OSBPL9: variants seen among roughly 807,000 people sequenced by gnomAD.
OSBPL9 encodes the protein oxysterol binding protein like 9.
In OSBPL9, 40 loss-of-function variants were observed where a neutral mutation model predicts 106.6. The observed-to-expected ratio is 0.38, with a 90% CI of 0.29 to 0.49. The LOEUF is 0.49. Among genes scored for constraint, OSBPL9 ranks in the 20% least tolerant of loss-of-function variants. The pLI, the probability that OSBPL9 is intolerant of heterozygous loss-of-function variation, is 0.97. For synonymous variants in OSBPL9, 269 were observed against 295.4 expected (o/e 0.91, Z 0.92); for missense variants, 609 against 887.2 (o/e 0.69, Z 3.98).
At chr1:51,573,041 G>C (rs1645160163), upstream of OSBPL9, among the ~76,000 whole-genome samples, 1 of 152,056 alleles carries the variant, frequency 6.6e-6, no homozygotes, top group East Asian at 1.9e-4. Flanking sequence ...GTGAAATCCT[G>C]TCTCTACTAA....
At chr1:51,735,686 A>C (rs1239127357) in intron 4 of OSBPL9, among the ~76,000 whole-genome samples, 1 of 152,274 alleles carries the variant, frequency 6.6e-6, no homozygotes, top group East Asian at 1.9e-4. Context: ...GGCCATAGTC[A>C]TAAGAGATGC....
rs748925627 is a variant in OSBPL9 at position 51,776,925 on chromosome 1, G to T, written c.1256+7G>T. ...ATCCGGACCTGTTTGTGAGGTATTT[G>T]ACTGAACATGGTAGTTTCCAACGTT... On this transcript the variant is annotated splice_region_variant and intron_variant, in intron 15 of 23. Coordinates refer to ENST00000428468, the MANE Select transcript of OSBPL9 (RefSeq NM_024586.6). 1 of 1,595,748 alleles carries T rather than the reference G, an allele frequency of 6.3e-7. No homozygotes were observed. Among genetic ancestry groups the T allele is most frequent in the South Asian group, 1.1e-5 (1 of 90,666 alleles).
chr1:51,586,064 C>G (rs1297432299), intron 1 of OSBPL9, among the ~76,000 whole-genome samples: 1 of 151,376 alleles, frequency 6.6e-6, no homozygotes, highest in Non-Finnish European at 1.5e-5. Context: ...ATCACAGCTA[C>G]TCAGGAGGCT....
At chr1:51,659,180 A>C (rs373670944) in intron 2 of OSBPL9, among the ~76,000 whole-genome samples, 92 of 152,304 alleles carry the variant, frequency 6.0e-4, no homozygotes, top group African/African-American at 2.1e-3. Flanking sequence ...TACTAAGAAA[A>C]GAAATTAAAT....
intron 1 of OSBPL9, among the ~76,000 whole-genome samples, chr1:51,585,998 C>T (rs1645245713): frequency 6.6e-6 from 1 of 151,306 alleles, no homozygotes; most frequent in South Asian, 2.1e-4. Flanking sequence ...CGTAGCAAAA[C>T]CCAGTGTCTA....
intron 4 of OSBPL9, among the ~76,000 whole-genome samples, chr1:51,735,559 C>T (rs1018177916): frequency 1.3e-5 from 2 of 152,214 alleles, no homozygotes; most frequent in Non-Finnish European, 2.9e-5. Flanking sequence ...TTTCTGATAA[C>T]ATTTTACCAT....
the OSBPL9 span, among the ~76,000 whole-genome samples, chr1:51,537,465 G>T: frequency 6.6e-6 from 1 of 152,170 alleles, no homozygotes; most frequent in African/African-American, 2.4e-5. Context: ...CATCAGATGT[G>T]CTCATTCCTA....
At chr1:51,579,464 T>G (rs1007411569) in intron 1 of OSBPL9, among the ~76,000 whole-genome samples, 1 of 152,194 alleles carries the variant, frequency 6.6e-6, no homozygotes, top group African/African-American at 2.4e-5. Context: ...GATAAAAATA[T>G]GTATTTGCTG....
At chr1:51,750,880 T>C (rs1669085413) in intron 8 of OSBPL9, among the ~76,000 whole-genome samples, 2 of 152,220 alleles carry the variant, frequency 1.3e-5, no homozygotes, top group African/African-American at 2.4e-5. Context: ...CACAGCCCAG[T>C]TGAGAAATGT....
intron 2 of OSBPL9, among the ~76,000 whole-genome samples, chr1:51,668,571 G>A (rs144666496): frequency 0.026 from 3,970 of 152,278 alleles, 77 homozygotes; most frequent in Non-Finnish European, 0.038. Context: ...GCAGTGAGCC[G>A]AGATCGTGCC....
intron 7 of OSBPL9, among the ~76,000 whole-genome samples, chr1:51,749,187 C>A (rs1313887959): frequency 6.6e-6 from 1 of 152,058 alleles, no homozygotes; most frequent in Non-Finnish European, 1.5e-5. Context: ...TAGTGGACTT[C>A]TGACATTATA....
At chr1:51,672,296 TG>T (rs1650063393) in intron 3 of OSBPL9, among the ~76,000 whole-genome samples, 1 of 152,120 alleles carries the variant, frequency 6.6e-6, no homozygotes, top group Admixed American at 6.6e-5. Flanking sequence ...GCAGTGGAGA[TG>T]GGGAGATAGT....
chr1:51,691,272 A>ATT (rs1358388118), intron 3 of OSBPL9, among the ~76,000 whole-genome samples: 5 of 145,540 alleles, frequency 3.4e-5, no homozygotes, highest in African/African-American at 5.1e-5. Context: ...GCTTGCTGTA[A>ATT]CTTTTTTTTT....
intron 2 of OSBPL9, among the ~76,000 whole-genome samples, chr1:51,666,443 T>A (rs1648534722): frequency 6.6e-6 from 1 of 152,202 alleles, no homozygotes. Context: ...ATTAAAATAA[T>A]TATTTTAAAA....
intron 12 of OSBPL9, among the ~76,000 whole-genome samples, chr1:51,769,448 T>C (rs1673347813): frequency 6.6e-6 from 1 of 152,212 alleles, no homozygotes; most frequent in Non-Finnish European, 1.5e-5. Context: ...CTGTATGACT[T>C]CAGACCAGTC....
chr1:51,718,119 C>G (rs892854024), intron 4 of OSBPL9, among the ~76,000 whole-genome samples: 1 of 152,328 alleles, frequency 6.6e-6, no homozygotes, highest in African/African-American at 2.4e-5. Context: ...ACAAACTTCA[C>G]ATGTTCTCAC....
At chr1:51,661,958 G>A (rs908508076) in intron 2 of OSBPL9, among the ~76,000 whole-genome samples, 3 of 152,114 alleles carry the variant, frequency 2.0e-5, no homozygotes, top group African/African-American at 4.8e-5. Context: ...AGGCTGTGGC[G>A]GAGAGTGACC....
the OSBPL9 span, among the ~76,000 whole-genome samples, chr1:51,552,648 G>A: frequency 3.3e-5 from 5 of 151,364 alleles, no homozygotes; most frequent in Admixed American, 2.6e-4. Context: ...TTTTTTAGAC[G>A]GTGGCTCATG....
rs764898862 is a variant in OSBPL9, at chr1:51,787,712, C to G, written c.2137-3C>G. 2 of 1,611,898 alleles carry G rather than the reference C, an allele frequency of 1.2e-6. No individual in the cohort carries two copies. Among genetic ancestry groups the G allele is most frequent in the Non-Finnish European group, 1.7e-6 (2 of 1,178,092 alleles). ...AACTAAATTCTTCCTCTTTGTCTTA[C>G]AGTTATTTCATGAAGATGGAGAATG... On this transcript the variant is annotated splice_polypyrimidine_tract_variant and splice_region_variant and intron_variant, in intron 23 of 23. Transcript: ENST00000428468.
Sources: gnomAD v4.1 joint callset for allele counts (sites outside exome capture counted in the v4.1 genomes callset) on GRCh38, gnomAD v4.1.1 for gene constraint, MANE v1.5 for transcripts, NCBI Gene and HGNC (gene_info 2026-07-23, HGNC 2026-07-21) for gene names.